The following RANBP2 variants were observed in gnomAD, a reference collection of about 807,000 sequenced individuals.
The protein encoded by RANBP2 is E3 SUMO-protein ligase RanBP2.
Under a neutral mutation model 303.6 loss-of-function variants are expected in RANBP2, and 57 were observed. The observed-to-expected ratio is 0.19, with a 90% CI of 0.15 to 0.23. The LOEUF (loss-of-function observed/expected upper bound fraction) is 0.23, where lower values mean the gene tolerates loss of function less well. Among genes scored for constraint, RANBP2 ranks in the 10% least tolerant of loss-of-function variants. The probability of loss-of-function intolerance (pLI) is 1.00; values close to 1 mark genes in which losing one functional copy is unlikely to be tolerated. For missense variants in RANBP2, 3,138 were observed against 3,780.8 expected (o/e 0.83, Z 4.46); for synonymous variants, 1,167 against 1,301.5 (o/e 0.90, Z 2.23).
At chr2:108,915,796 C>T in the RANBP2 span, among the ~76,000 whole-genome samples, 1 of 151,992 alleles carries the variant, frequency 6.6e-6, no homozygotes, top group African/African-American at 2.4e-5. Context: ...ACTGGGGAGG[C>T]TGAGGCAAGA....
chr2:109,416,899 CA>C, the RANBP2 span, among the ~76,000 whole-genome samples: 227 of 130,132 alleles, frequency 1.7e-3, no homozygotes, highest in African/African-American at 6.6e-3. Flanking sequence ...AGTGAGACTT[CA>C]TCTCAAAAAA....
At chr2:109,429,087 C>T in the RANBP2 span, among the ~76,000 whole-genome samples, 32 of 152,208 alleles carry the variant, frequency 2.1e-4, no homozygotes, top group Non-Finnish European at 3.2e-4. Context: ...CAGGGGGCAG[C>T]GGCAGAGACC....
the RANBP2 span, among the ~76,000 whole-genome samples, chr2:108,943,491 T>A: frequency 1.3e-5 from 2 of 152,220 alleles, no homozygotes; most frequent in Admixed American, 1.3e-4. Flanking sequence ...GAGCTGATGT[T>A]ACTACCGAAG....
chr2:108,906,339 A>G, the RANBP2 span: 1 of 1,613,966 alleles, frequency 6.2e-7, no homozygotes, highest in Non-Finnish European at 8.5e-7. Context: ...TGGCATACAC[A>G]TCGAGGATCT....
chr2:109,548,935 T>C, the RANBP2 span, among the ~76,000 whole-genome samples: 4 of 152,320 alleles, frequency 2.6e-5, 1 homozygote, highest in African/African-American at 9.6e-5. Flanking sequence ...AGTGACCACC[T>C]GATAGGAGAA....
At chr2:109,536,616 A>G in the RANBP2 span, among the ~76,000 whole-genome samples, 1 of 152,160 alleles carries the variant, frequency 6.6e-6, no homozygotes, top group African/African-American at 2.4e-5. Flanking sequence ...GTTAATGCTG[A>G]AATGAGTTAA....
At chr2:109,361,292 A>G in the RANBP2 span, among the ~76,000 whole-genome samples, 18 of 152,272 alleles carry the variant, frequency 1.2e-4, no homozygotes, top group East Asian at 3.9e-4. Context: ...TTTTCTTGCA[A>G]TGGCTTTGTC....
the RANBP2 span, among the ~76,000 whole-genome samples, chr2:109,094,032 A>T: frequency 5.9e-5 from 9 of 152,362 alleles, no homozygotes; most frequent in East Asian, 1.7e-3. Flanking sequence ...ACTCCGCATT[A>T]CGAGAGAAAC....
the RANBP2 span, among the ~76,000 whole-genome samples, chr2:109,524,668 C>T: frequency 6.6e-6 from 1 of 151,826 alleles, no homozygotes; most frequent in African/African-American, 2.4e-5. Context: ...TCTCTTGAAC[C>T]TGGGAGGCAG....
Position 108,762,184 on chromosome 2 carries a change from A to T in RANBP2, c.2686A>T (p.Thr896Ser). ...QYLLRPAANVTPTKGPVYGMN... is the reference protein window; with the variant it reads ...QYLLRPAANVSPTKGPVYGMN... ...TCTTCTCAGACCAGCAGCTAATGTT[A>T]CTCCCACAAAGGTAACAAAGGAATA... The change falls in exon 19 of 29, where the codon ACT becomes TCT. Residue 896 changes from threonine (T) to serine (S), a missense_variant. By Grantham distance (58) the Thr-to-Ser change is moderately conservative (BLOSUM62 1). Coordinates refer to ENST00000283195, the MANE Select transcript of RANBP2 (RefSeq NM_006267.5). 1 of 1,588,620 alleles carries T rather than the reference A, an allele frequency of 6.3e-7. No homozygotes were observed.
At chr2:109,455,693 A>C in the RANBP2 span, among the ~76,000 whole-genome samples, 10 of 152,156 alleles carry the variant, frequency 6.6e-5, no homozygotes, top group Non-Finnish European at 1.5e-4. Flanking sequence ...TTTCCTCTCG[A>C]GTGGAGGCAC....
At chr2:109,351,786 C>T in the RANBP2 span, among the ~76,000 whole-genome samples, 1 of 152,236 alleles carries the variant, frequency 6.6e-6, no homozygotes, top group Admixed American at 6.5e-5. Context: ...GGCTTGGTGG[C>T]TGCAGCCACT....
At chr2:108,962,483 C>T in the RANBP2 span, among the ~76,000 whole-genome samples, 1,208 of 151,904 alleles carry the variant, frequency 8.0e-3, 9 homozygotes, top group South Asian at 0.03. Flanking sequence ...ACCATCCTGG[C>T]GAACACAGTG....
At chr2:109,456,777 G>A in the RANBP2 span, among the ~76,000 whole-genome samples, 7 of 152,190 alleles carry the variant, frequency 4.6e-5, no homozygotes, top group African/African-American at 1.2e-4. Context: ...GCCACACAAC[G>A]AGTAGGGCAC....
At chr2:109,681,614 C>T in the RANBP2 span, among the ~76,000 whole-genome samples, 1 of 152,194 alleles carries the variant, frequency 6.6e-6, no homozygotes, top group African/African-American at 2.4e-5. Context: ...AGAAAAGTGG[C>T]AATGAGTCCC....
At chr2:108,741,808 A>G (rs1301951835) in intron 7 of RANBP2, among the ~76,000 whole-genome samples, 1 of 106,020 alleles carries the variant, frequency 9.4e-6, no homozygotes, top group Non-Finnish European at 1.8e-5. Flanking sequence ...CACCACACCC[A>G]GCCTTTTTTT....
the RANBP2 span, among the ~76,000 whole-genome samples, chr2:109,526,487 T>C: frequency 6.6e-6 from 1 of 152,102 alleles, no homozygotes; most frequent in African/African-American, 2.4e-5. Flanking sequence ...TATTTTTGTA[T>C]TTTTAGTAGA....
the RANBP2 span, among the ~76,000 whole-genome samples, chr2:109,146,336 C>T: frequency 6.6e-6 from 1 of 152,118 alleles, no homozygotes; most frequent in African/African-American, 2.4e-5. Flanking sequence ...TCCAGCTTCC[C>T]AAAGGTGGCC....
chr2:109,285,096 C>T, the RANBP2 span, among the ~76,000 whole-genome samples: 1 of 152,232 alleles, frequency 6.6e-6, no homozygotes, highest in African/African-American at 2.4e-5. Context: ...AGCTGTCACC[C>T]CTTAGCCCAG....
Sources: gnomAD v4.1 joint callset for allele counts (sites outside exome capture counted in the v4.1 genomes callset) on GRCh38, gnomAD v4.1.1 for gene constraint, MANE v1.5 for transcripts, NCBI Gene and HGNC (gene_info 2026-07-23, HGNC 2026-07-21) for gene names.